Variants in TMEM170B observed in about 807,000 individuals in gnomAD.
The protein encoded by TMEM170B is transmembrane protein 170B.
TMEM170B carries 6 observed loss-of-function variants against 13.0 expected under a neutral mutation model. That is an observed-to-expected ratio of 0.46 (90% confidence interval 0.25 to 0.91). The LOEUF (loss-of-function observed/expected upper bound fraction) is 0.91. TMEM170B is among the 40% of genes least tolerant of loss of function. The pLI, the probability that TMEM170B is intolerant of heterozygous loss-of-function variation, is 0.17. For missense variants in TMEM170B, 138 were observed against 165.2 expected (o/e 0.84, Z 0.90); for synonymous variants, 61 against 64.9 (o/e 0.94, Z 0.29).
intron 1 of TMEM170B, among the ~76,000 whole-genome samples, chr6:11,549,391 C>T (rs745873702): frequency 5.9e-5 from 9 of 152,158 alleles, no homozygotes; most frequent in Non-Finnish European, 1.0e-4. Context: ...AGGCCAGGCA[C>T]GGTGGCTCAC....
intron 2 of TMEM170B, among the ~76,000 whole-genome samples, chr6:11,566,759 C>T (rs918205788): frequency 1.3e-5 from 2 of 152,236 alleles, no homozygotes; most frequent in African/African-American, 2.4e-5. Context: ...CCTTTTCCTT[C>T]ATTCTTCCTT....
At position 11,551,617 on chromosome 6, in the gene TMEM170B, T is replaced by G. The variant is rs1168925603; in HGVS notation, c.97+13243T>G. On this transcript the variant is annotated intron_variant, in intron 1 of 2. Coordinates refer to ENST00000379426, the MANE Select transcript of TMEM170B (RefSeq NM_001100829.3). ...ATCCTGATATTTCTTGATTATAAGT[T>G]ATGTGCCAGTCTCTGTGGTAAACAC... Among the ~76,000 whole-genome samples, 7 of 152,354 alleles carry G rather than the reference T, an allele frequency of 4.6e-5. No homozygotes were observed. In the East Asian group the frequency reaches 1.2e-3, roughly 25 times the overall value.
chr6:11,544,271 G>A (rs1048064980), intron 1 of TMEM170B, among the ~76,000 whole-genome samples: 1 of 152,134 alleles, frequency 6.6e-6, no homozygotes, highest in African/African-American at 2.4e-5. Flanking sequence ...GACACTCAAA[G>A]GAAATACTAG....
At chr6:11,549,961 C>T (rs970425512) in intron 1 of TMEM170B, among the ~76,000 whole-genome samples, 1 of 152,220 alleles carries the variant, frequency 6.6e-6, no homozygotes, top group Non-Finnish European at 1.5e-5. Flanking sequence ...TACTCCCCTT[C>T]ATTTGGTATG....
chr6:11,571,494 G>C (rs963672889), intron 2 of TMEM170B, among the ~76,000 whole-genome samples: 13 of 152,076 alleles, frequency 8.5e-5, no homozygotes, highest in African/African-American at 2.9e-4. Flanking sequence ...CTCACCTTCA[G>C]ATCATCTTGG....
rs763247881 is a variant in TMEM170B, at chr6:11,575,442, G to T, written c.280G>T (p.Ala94Ser). ...TGAMITSAAV[A>S]GIYRVAGKNM... ...CCGTTTCTCCTTAGGTGCAGCAGTAGCGGGCATTTACAGAGTAGCTGGGAA... is the reference window on the plus strand; with the variant it reads ...CCGTTTCTCCTTAGGTGCAGCAGTATCGGGCATTTACAGAGTAGCTGGGAA... The change falls in exon 3 of 3, where the codon GCG (alanine) becomes TCG (serine). Residue 94 changes from alanine (A) to serine (S), a missense_variant. Coordinates refer to ENST00000379426, the MANE Select transcript of TMEM170B (RefSeq NM_001100829.3). This position sits in a 1 kb window ranked among gnomAD's most constrained non-coding sequence, Gnocchi z 4.1. 3.7e-6 allele frequency: 6 copies of T among 1,613,312 alleles called. No homozygotes were observed. Among genetic ancestry groups the T allele is most frequent in the East Asian group, 2.2e-5 (1 of 44,892 alleles).
At chr6:11,565,397 T>C (rs527581896) in intron 1 of TMEM170B, among the ~76,000 whole-genome samples, 1 of 152,300 alleles carries the variant, frequency 6.6e-6, no homozygotes, top group African/African-American at 2.4e-5. Flanking sequence ...AATTGATGGA[T>C]GATAGCTATG....
intron 2 of TMEM170B, among the ~76,000 whole-genome samples, chr6:11,567,449 A>T (rs1759749702): frequency 6.6e-6 from 1 of 152,134 alleles, no homozygotes; most frequent in African/African-American, 2.4e-5. Context: ...CCTTGTCTTT[A>T]TGATGCAAGG....
intron 1 of TMEM170B, among the ~76,000 whole-genome samples, chr6:11,563,724 G>T (rs1254851873): frequency 2.0e-5 from 3 of 152,176 alleles, no homozygotes; most frequent in Admixed American, 6.5e-5. Flanking sequence ...CAGCACTTTG[G>T]GAAGTTGAGG....
intron 1 of TMEM170B, among the ~76,000 whole-genome samples, chr6:11,553,709 G>A (rs553745939): frequency 2.0e-5 from 3 of 152,278 alleles, no homozygotes; most frequent in East Asian, 1.9e-4. Flanking sequence ...AAAAATGTAT[G>A]CATTTGCACA....
Position 11,565,692 on chromosome 6 carries a change from GCT to G in TMEM170B, c.129_130del (p.Phe44LeufsTer21). 6.2e-7 allele frequency: 1 copy of G among 1,614,084 alleles called. No individual in the cohort carries two copies. Among genetic ancestry groups the G allele is most frequent in the Non-Finnish European group, 8.5e-7 (1 of 1,179,970 alleles). ...GATGTGGTACTGGATCTTCCTCTGG[GCT>G]CTCTTCTCTTCTCTGTTTGTCCATG... Reference protein sequence around the residue: ...TEMWYWIFLWALFSSLFVHGA... With the variant: ...TEMWYWIFLWXLFSSLFVHGA... On this transcript the variant is annotated frameshift_variant, in exon 2 of 3. Coordinates refer to ENST00000379426, the MANE Select transcript of TMEM170B (RefSeq NM_001100829.3). LOFTEE classifies it high-confidence loss of function.
chr6:11,571,175 CT>C (rs11292093), intron 2 of TMEM170B, among the ~76,000 whole-genome samples: 102,122 of 124,364 alleles, frequency 0.82, 42,027 homozygotes, highest in South Asian at 0.94. Context: ...CATATGCTTG[CT>C]TTTTTTTTTT....
chr6:11,544,885 G>T (rs1025331571), intron 1 of TMEM170B, among the ~76,000 whole-genome samples: 2 of 151,960 alleles, frequency 1.3e-5, no homozygotes, highest in Non-Finnish European at 1.5e-5. Flanking sequence ...AATCTAAAAT[G>T]AGAGTCAATA....
At position 11,555,887 on chromosome 6, in the gene TMEM170B, TGGCTCA is replaced by T. The variant is rs1759582417; in HGVS notation, c.98-9778_98-9773del. ...GACTGAGGTACAAGGCCGGGCGCGG[TGGCTCA>T]CGCCTGTAATCCCAGCACTTTGGGA... On this transcript the variant is annotated intron_variant, in intron 1 of 2. Transcript: ENST00000379426. 2.7e-4 allele frequency among the ~76,000 whole-genome samples: 2 copies of T among 7,348 alleles called. 1 individual carries two copies. Among genetic ancestry groups the T allele is most frequent in the African/African-American group, 2.9e-4 (2 of 6,960 alleles). The allele number at this position is 7,348 out of a possible 152,430, so 4.8% of individuals were successfully genotyped here.
chr6:11,545,280 C>CTCTCTGTGTGTGTGTGTGTGTGTGTGTG (rs1442789332), intron 1 of TMEM170B, among the ~76,000 whole-genome samples: 2 of 139,736 alleles, frequency 1.4e-5, no homozygotes, highest in African/African-American at 2.7e-5. Flanking sequence ...CTCTCTCTCT[C>CTCTCTGTGTGTGTGTGTGTGTGTGTGTG]TGTGTGTGTG....
intron 1 of TMEM170B, among the ~76,000 whole-genome samples, chr6:11,557,765 C>T (rs1759609494): frequency 6.6e-6 from 1 of 152,130 alleles, no homozygotes; most frequent in South Asian, 2.1e-4. Context: ...GACATCACAC[C>T]TCGCTCATCT....
At chr6:11,553,247 C>A (rs114855072) in intron 1 of TMEM170B, among the ~76,000 whole-genome samples, 1,588 of 152,210 alleles carry the variant, frequency 0.01, 28 homozygotes, top group African/African-American at 0.035. Context: ...AATTGAAAAA[C>A]AAAAATCCAC....
chr6:11,559,173 T>G (rs1299952285), intron 1 of TMEM170B, among the ~76,000 whole-genome samples: 1 of 151,650 alleles, frequency 6.6e-6, no homozygotes, highest in Non-Finnish European at 1.5e-5. Context: ...TTATTGTTCT[T>G]TATATATTTT....
rs1236828694 is a variant in TMEM170B at position 11,580,443 on chromosome 6, C to T, written c.*4882C>T. ...CACTCTTGACACTACAGATTTTTCT[C>T]TCAGTCTCAATCAGAATCTCTGCAG... On this transcript the variant is annotated 3_prime_UTR_variant, in exon 3 of 3. Transcript: ENST00000379426. 6.6e-6 allele frequency: 1 copy of T among 152,178 alleles called. No homozygotes were observed. Among genetic ancestry groups the T allele is most frequent in the Non-Finnish European group, 1.5e-5 (1 of 68,024 alleles). 9.4% of individuals were successfully genotyped at this position (152,178 alleles called of 1,614,324 possible).
Sources: allele counts gnomAD v4.1 joint callset (sites outside exome capture counted in the v4.1 genomes callset), GRCh38; gene constraint gnomAD v4.1.1; non-coding constraint Gnocchi (gnomAD v3.1); transcripts MANE v1.5; gene names NCBI Gene and HGNC (gene_info 2026-07-23, HGNC 2026-07-21).